MTIF2: variants seen among roughly 807,000 people sequenced by gnomAD.
MTIF2 encodes mitochondrial translational initiation factor 2, also known as translation initiation factor IF-2, mitochondrial.
MTIF2 carries 71 observed loss-of-function variants against 83.5 expected under a neutral mutation model. The ratio of observed to expected loss-of-function variants is 0.85; its 90% CI spans 0.70 to 1.04. MTIF2 has a LOEUF of 1.04. Among genes scored for constraint, MTIF2 ranks in the 50% least tolerant of loss-of-function variants. The pLI is 0.00. For synonymous variants in MTIF2, 319 were observed against 287.1 expected, an observed-to-expected ratio of 1.11 and a Z score of -1.12; for missense variants, 957 against 846.5, an observed-to-expected ratio of 1.13 and a Z score of -1.62.
In MTIF2 at chr2:55,254,083, C is replaced by A. The variant is rs770105219; in HGVS notation, c.622G>T (p.Val208Leu). The A allele has an allele frequency of 2.5e-6, 4 of 1,614,210 alleles. No homozygotes were observed. In the South Asian group the frequency reaches 4.4e-5, roughly 18 times the overall value. Residue 208 changes from valine (V) to leucine (L), a missense_variant, in exon 7 of 16, where the codon GTG becomes TTG. Physicochemically the swap from Val to Leu is conservative, Grantham distance 32 (BLOSUM62 1). Around this residue, in one of 3 missense-constraint regions of MTIF2, gnomAD observed 733 missense variants for 648.7 expected, o/e 1.13. Transcript: ENST00000263629. ...DKFRKTQVAAVETGGITQHIG... is the reference protein window; with the variant it reads ...DKFRKTQVAALETGGITQHIG... ...TGCTGAGTGATGCCTCCAGTTTCCA[C>A]TGCTGCCACTTGAGTTTTTCGAAAT... is the stretch of plus-strand genomic sequence containing the variant.
At chr2:55,239,537 CAG>C (rs1336489554) in intron 14 of MTIF2, among the ~76,000 whole-genome samples, 1 of 151,990 alleles carries the variant, frequency 6.6e-6, no homozygotes, top group Non-Finnish European at 1.5e-5. Context: ...GGAAAAAAAA[CAG>C]ATGAGGTGAT....
At chr2:55,247,213 C>T (rs774989279) in intron 9 of MTIF2, among the ~76,000 whole-genome samples, 119 of 152,114 alleles carry the variant, frequency 7.8e-4, no homozygotes, top group Non-Finnish European at 1.2e-3. Context: ...GGTATTTTTC[C>T]ACTCCTCTTA....
intron 5 of MTIF2, among the ~76,000 whole-genome samples, chr2:55,255,729 A>G (rs1205823167): frequency 2.0e-5 from 3 of 152,046 alleles, no homozygotes; most frequent in African/African-American, 7.2e-5. Flanking sequence ...TAAATAGAAT[A>G]CAAAAAGGAC....
In MTIF2 at chr2:55,246,300, G is replaced by T. The variant is rs749989004; in HGVS notation, c.1106+37C>A. 1.9e-6 allele frequency: 3 copies of T among 1,559,576 alleles called. No individual in the cohort carries two copies. In the East Asian group the frequency reaches 6.8e-5, roughly 35 times the overall value. On this transcript the variant is annotated intron_variant, in intron 10 of 15. Coordinates refer to ENST00000263629, the MANE Select transcript of MTIF2 (RefSeq NM_002453.3). ...ATATAATCAAGTCACGAAAACCACAGAACAAATTAAAAAGGCAAGCATTTT... is the reference window on the plus strand; with the variant it reads ...ATATAATCAAGTCACGAAAACCACATAACAAATTAAAAAGGCAAGCATTTT...
intron 5 of MTIF2, among the ~76,000 whole-genome samples, chr2:55,255,800 T>A (rs1312578318): frequency 6.6e-6 from 1 of 152,066 alleles, no homozygotes; most frequent in African/African-American, 2.4e-5. Context: ...CTTCAGAACA[T>A]GCACAATGGA....
At chr2:55,256,914 G>A (rs1677591056) in intron 5 of MTIF2, among the ~76,000 whole-genome samples, 2 of 152,028 alleles carry the variant, frequency 1.3e-5, no homozygotes, top group African/African-American at 4.8e-5. Context: ...GCCCAGGTTG[G>A]TTTTGAACTC....
intron 4 of MTIF2, 114 bp from the exon 5 acceptor site, chr2:55,262,541 C>CT (rs66500251): frequency 0.48 from 134,963 of 283,044 alleles, 26,090 homozygotes; most frequent in Non-Finnish European, 0.51. Flanking sequence ...CTTTTTTTTT[C>CT]TTTTTTTTTT....
chr2:55,254,513 T>C (rs533945205), intron 6 of MTIF2, 141 bp downstream of exon 6: 36 of 742,022 alleles, frequency 4.9e-5, no homozygotes, highest in Non-Finnish European at 7.2e-5. Context: ...ATACACTTTC[T>C]AATGCTTTAA....
At chr2:55,260,402 A>C in intron 5 of MTIF2, among the ~76,000 whole-genome samples, 1 of 104,144 alleles carries the variant, frequency 9.6e-6, no homozygotes, top group African/African-American at 3.2e-5. Flanking sequence ...CTCTGTCTCA[A>C]AAAAAAAAAA....
At chr2:55,239,452 T>C (rs1459684412) in intron 14 of MTIF2, among the ~76,000 whole-genome samples, 1 of 152,110 alleles carries the variant, frequency 6.6e-6, no homozygotes, top group African/African-American at 2.4e-5. Flanking sequence ...GGTTTTTCTC[T>C]TGCAATTTTT....
At chr2:55,260,037 C>T (rs183874237) in intron 5 of MTIF2, among the ~76,000 whole-genome samples, 1 of 152,252 alleles carries the variant, frequency 6.6e-6, no homozygotes, top group East Asian at 1.9e-4. Flanking sequence ...AATGACATAG[C>T]CATATTCATT....
intron 5 of MTIF2, among the ~76,000 whole-genome samples, chr2:55,256,299 TATACAC>T (rs767978191): frequency 2.2e-5 from 1 of 44,540 alleles, no homozygotes; most frequent in Non-Finnish European, 5.1e-5. Context: ...CATACACACA[TATACAC>T]ACACACACAC....
intron 2 of MTIF2, 27 bp from the exon 3 acceptor site, chr2:55,267,662 T>C (rs1573934564): frequency 6.2e-6 from 1 of 160,764 alleles, no homozygotes; most frequent in East Asian, 1.9e-4. Flanking sequence ...AATAAATAAG[T>C]GTTTGAATAT....
intron 5 of MTIF2, among the ~76,000 whole-genome samples, chr2:55,259,716 T>C (rs1266942357): frequency 6.6e-6 from 1 of 152,148 alleles, no homozygotes; most frequent in East Asian, 1.9e-4. Context: ...GGCTAAGATG[T>C]GCAGATCACT....
intron 3 of MTIF2, among the ~76,000 whole-genome samples, chr2:55,265,963 T>C (rs557881301): frequency 6.6e-6 from 1 of 152,304 alleles, no homozygotes; most frequent in South Asian, 2.1e-4. Context: ...TTAGGTATCA[T>C]AAGTAATCTA....
chr2:55,237,910 C>CAA (rs566416662), intron 14 of MTIF2, among the ~76,000 whole-genome samples: 150 of 152,252 alleles, frequency 9.9e-4, no homozygotes, highest in African/African-American at 3.2e-3. Context: ...CTCAGACTCT[C>CAA]AAAGTGCTGA....
rs771339556 is a variant in MTIF2, at chr2:55,236,619, G to A, written c.*29C>T. On this transcript the variant is annotated 3_prime_UTR_variant, in exon 16 of 16. Transcript: ENST00000263629. Reference sequence around the variant, plus strand: ...ATTTCTACCTTCAAACAAACAACACGTTGAGTTATTTACATTTTTAATGTA... The same window carrying A: ...ATTTCTACCTTCAAACAAACAACACATTGAGTTATTTACATTTTTAATGTA... 8 of 1,552,608 alleles carry A rather than the reference G, an allele frequency of 5.2e-6. No homozygotes were observed. Among genetic ancestry groups the A allele is most frequent in the South Asian group, 1.2e-5 (1 of 80,124 alleles).
intron 7 of MTIF2, among the ~76,000 whole-genome samples, chr2:55,253,634 G>A (rs1302729619): frequency 1.3e-5 from 2 of 152,046 alleles, no homozygotes; most frequent in Non-Finnish European, 2.9e-5. Flanking sequence ...GGCCAACATG[G>A]GGAAACCCTG....
At chr2:55,239,907 A>AT in intron 14 of MTIF2, 104 bp downstream of exon 14, 1 of 1,010,716 alleles carries the variant, frequency 9.9e-7, no homozygotes, top group Non-Finnish European at 1.4e-6. Context: ...AACACAGGAT[A>AT]TATCTTTCAA....
Sources: allele counts gnomAD v4.1 joint callset (sites outside exome capture counted in the v4.1 genomes callset), GRCh38; gene constraint gnomAD v4.1.1; regional missense constraint gnomAD v4.1.1; transcripts MANE v1.5; gene names NCBI Gene and HGNC (gene_info 2026-07-23, HGNC 2026-07-21).